The following UNC5CL variants were observed in gnomAD, a reference collection of about 807,000 sequenced individuals.
The protein encoded by UNC5CL is unc-5 family C-terminal like.
UNC5CL carries 42 observed loss-of-function variants against 54.1 expected under a neutral mutation model. That is an observed-to-expected ratio of 0.78 (90% confidence interval 0.61 to 1.00). The LOEUF (loss-of-function observed/expected upper bound fraction) is 1.00, where lower values mean the gene tolerates loss of function less well. Among genes scored for constraint, UNC5CL ranks in the 50% least tolerant of loss-of-function variants. The pLI is 0.00. For synonymous variants in UNC5CL, 285 were observed against 285.1 expected (o/e 1.00, Z 0.00); for missense variants, 619 against 675.6 (o/e 0.92, Z 0.93).
intron 1 of UNC5CL, among the ~76,000 whole-genome samples, chr6:41,038,325 G>A (rs1735033264): frequency 6.6e-6 from 1 of 152,096 alleles, no homozygotes; most frequent in East Asian, 1.9e-4. Flanking sequence ...GAAAGGAGGG[G>A]CCCCAGCTCG....
At position 41,028,609 on chromosome 6, in the gene UNC5CL, G is replaced by A. The variant is rs1561828547; in HGVS notation, c.1335-14C>T. On this transcript the variant is annotated splice_polypyrimidine_tract_variant and intron_variant, in intron 8 of 8. Transcript: ENST00000244565. This position sits in a 1 kb window ranked among gnomAD's most constrained non-coding sequence, Gnocchi z 4.3. ...CAGGACAGGAACCTGGCCCGAGGTA[G>A]GGGAGGAAGAGAAGGGTGTAGGAGC... 1 of 1,610,570 alleles carries A rather than the reference G, an allele frequency of 6.2e-7. No individual in the cohort carries two copies. Among genetic ancestry groups the A allele is most frequent in the South Asian group, 1.1e-5 (1 of 90,994 alleles).
Position 41,030,310 on chromosome 6 carries a change from C to G in UNC5CL, c.1334+78G>C, listed in dbSNP as rs79771620. The G allele has an allele frequency of 9.5e-5, 130 of 1,365,368 alleles. 1 individual carries two copies. In the East Asian group the frequency reaches 3.0e-3, roughly 31 times the overall value. The allele number at this position is 1,365,368 out of a possible 1,614,324, so 84.6% of individuals were successfully genotyped here. ...TTAAGTCACTCCCTTGCCTGTGATC[C>G]AGTCTCCAGAGTGTCCTGAGGAACC... On this transcript the variant is annotated intron_variant, in intron 8 of 8. Transcript: ENST00000244565.
At chr6:41,033,172 C>T (rs755301084) in intron 3 of UNC5CL, 26 bp from the exon 4 acceptor site, 1 of 1,605,826 alleles carries the variant, frequency 6.2e-7, no homozygotes, top group South Asian at 1.1e-5. Context: ...GTGGCAGGCA[C>T]TAATGTGCAG....
chr6:41,033,022 TGAG>T lies in UNC5CL; in HGVS notation c.808_810del (p.Leu270del). On this transcript the variant is annotated inframe_deletion, in exon 4 of 9. Transcript: ENST00000244565. ...CACTGCAGGGCGCAGGGCGTGTTGT[TGAG>T]GAAGTAGATACGCAGTTGCAGATGG... The T allele has an allele frequency of 1.2e-6, 2 of 1,609,750 alleles. No homozygotes were observed. The highest frequency in any genetic ancestry group is 1.7e-6 in the Non-Finnish European group (2 of 1,178,086).
At chr6:41,033,806 G>C in intron 3 of UNC5CL, 75 bp downstream of exon 3, 1 of 1,496,644 alleles carries the variant, frequency 6.7e-7, no homozygotes, top group Admixed American at 2.0e-5. Flanking sequence ...AGATAAGGCA[G>C]ACAGAGAAAG....
Position 41,034,777 on chromosome 6 carries a change from G to A in UNC5CL, c.298C>T (p.Leu100=), listed in dbSNP as rs1762500731. ...QTMVRQLMHK[L]LVFSAREVDH... is the part of the protein sequence containing the mutation. ...ACCTCTCGAGCCGAAAACACCAACA[G>A]TTTGTGCATCAACTGGCGGACCATG... is the stretch of plus-strand genomic sequence containing the variant. The change falls in exon 2 of 9, where the codon CTG becomes TTG. Residue 100 remains leucine, a synonymous_variant. Coordinates refer to ENST00000244565, the MANE Select transcript of UNC5CL (RefSeq NM_173561.3). 6.2e-7 allele frequency: 1 copy of A among 1,614,076 alleles called. No homozygotes were observed. The highest frequency in any genetic ancestry group is 1.1e-5 in the South Asian group (1 of 91,080).
chr6:41,028,529 G>C lies in UNC5CL; in HGVS notation c.1401C>G (p.Ser467Arg). Reference protein sequence around the residue: ...ILELFEEQNGSLQELHYLMTV... With the variant: ...ILELFEEQNGRLQELHYLMTV... Reference sequence around the variant, plus strand: ...TCATGAGGTAGTGCAGCTCCTGCAGGCTGCCGTTCTGCTCCTCAAACAACT... The same window carrying C: ...TCATGAGGTAGTGCAGCTCCTGCAGCCTGCCGTTCTGCTCCTCAAACAACT... Residue 467 changes from serine (S) to arginine (R), a missense_variant, in exon 9 of 9, where the codon AGC (serine) becomes AGG (arginine). Transcript: ENST00000244565. This position sits in a 1 kb window ranked among gnomAD's most constrained non-coding sequence, Gnocchi z 4.3. 6.2e-7 allele frequency: 1 copy of C among 1,613,770 alleles called. No homozygotes were observed. Among genetic ancestry groups the C allele is most frequent in the South Asian group, 1.1e-5 (1 of 91,092 alleles).
In UNC5CL at chr6:41,030,691, G is replaced by A. The variant is rs370431682; in HGVS notation, c.1184C>T (p.Ala395Val). 1.9e-5 allele frequency: 30 copies of A among 1,613,942 alleles called. No individual in the cohort carries two copies. In the African/African-American group the frequency reaches 2.8e-4, roughly 15 times the overall value. Residue 395 changes from alanine to valine, a missense_variant, in exon 7 of 9, where the codon GCG becomes GTG. Ala to Val is a moderately conservative substitution (Grantham distance 64). Coordinates refer to ENST00000244565, the MANE Select transcript of UNC5CL (RefSeq NM_173561.3). ...GGGCGGCTGGGAAACAGGTGGTGGC[G>A]CTGCCCAGGATTCCTCCTCTGATGC... ...FQASEEESWA[A>V]PPPVSQPPPC...
In UNC5CL at chr6:41,032,035, C is replaced by T; in HGVS notation, c.1051+1G>A. The T allele has an allele frequency of 6.2e-7, 1 of 1,614,012 alleles. No homozygotes were observed. The highest frequency in any genetic ancestry group is 8.5e-7 in the Non-Finnish European group (1 of 1,179,942). ...AGGTACACACAGGGCTCCCGGACTA[C>T]CTGCTTTTCTCCGGAAGCAGAAGGA... On this transcript the variant is annotated splice_donor_variant, in intron 5 of 8. Transcript: ENST00000244565. LOFTEE classifies it high-confidence loss of function.
Position 41,028,128 on chromosome 6 carries a change from G to A in UNC5CL, c.*245C>T, listed in dbSNP as rs984030254. ...GTCAGTTTGGCAGGCTGGCCACGCT[G>A]AGGCCATCTCCTGGGCTCCTGCGCC... On this transcript the variant is annotated 3_prime_UTR_variant, in exon 9 of 9. Transcript: ENST00000244565. This position sits in a 1 kb window ranked among gnomAD's most constrained non-coding sequence, Gnocchi z 4.3. 1.1e-5 allele frequency: 6 copies of A among 538,474 alleles called. No individual in the cohort carries two copies. Among genetic ancestry groups the A allele is most frequent in the Non-Finnish European group, 2.0e-5 (6 of 306,520 alleles). The allele number at this position is 538,474 out of a possible 1,614,324, so 33.4% of individuals were successfully genotyped here.
Position 41,034,907 on chromosome 6 carries a change from A to G in UNC5CL, c.168T>C (p.Pro56=), listed in dbSNP as rs1762503560. ...LNGQEEPVSQ[P]TPQLENEVSR... ...AGACCTCATTTTCTAGTTGGGGGGT[A>G]GGCTGGGACACTGGTTCCTCTTGAC... The change falls in exon 2 of 9, where the codon CCT becomes CCC. Residue 56 remains proline (P), a synonymous_variant. Transcript: ENST00000244565. 5 of 1,614,086 alleles carry G rather than the reference A, an allele frequency of 3.1e-6. No individual in the cohort carries two copies. Among genetic ancestry groups the G allele is most frequent in the Non-Finnish European group, 4.2e-6 (5 of 1,180,054 alleles).
At chr6:41,035,659 A>G (rs564430478) in intron 1 of UNC5CL, among the ~76,000 whole-genome samples, 7 of 152,288 alleles carry the variant, frequency 4.6e-5, no homozygotes, top group African/African-American at 1.4e-4. Flanking sequence ...TTTTAATTAC[A>G]TGCAGTAAGG....
rs572958272 is a variant in UNC5CL at position 41,029,523 on chromosome 6, C to T, written c.1334+865G>A. On this transcript the variant is annotated intron_variant, in intron 8 of 8. Coordinates refer to ENST00000244565, the MANE Select transcript of UNC5CL (RefSeq NM_173561.3). The surrounding 1 kb of genome is among the most constrained non-coding windows in gnomAD (Gnocchi z 4.1). ...TACTAGTGTGTGCGCTCCTAGGCGCCGGGACCATGCCTCATTCATCTTGTA... is the reference window on the plus strand; with the variant it reads ...TACTAGTGTGTGCGCTCCTAGGCGCTGGGACCATGCCTCATTCATCTTGTA... Among the ~76,000 whole-genome samples, 10 of 152,354 alleles carry T rather than the reference C, an allele frequency of 6.6e-5. No individual in the cohort carries two copies. The highest frequency in any genetic ancestry group is 6.2e-4 in the South Asian group (3 of 4,830).
Position 41,033,023 on chromosome 6 carries a change from G to C in UNC5CL, c.810C>G (p.Leu270=). The C allele has an allele frequency of 6.2e-7, 1 of 1,609,694 alleles. No homozygotes were observed. The highest frequency in any genetic ancestry group is 8.5e-7 in the Non-Finnish European group (1 of 1,177,984). Residue 270 remains leucine, a synonymous_variant, in exon 4 of 9, where the codon CTC becomes CTG. Coordinates refer to ENST00000244565, the MANE Select transcript of UNC5CL (RefSeq NM_173561.3). ...ACTGCAGGGCGCAGGGCGTGTTGTT[G>C]AGGAAGTAGATACGCAGTTGCAGAT... is the stretch of plus-strand genomic sequence containing the variant. ...QSHLQLRIYF[L]NNTPCALQWA...
chr6:41,032,230 G>T (rs1762463125), intron 4 of UNC5CL, 93 bp from the exon 5 acceptor site: 3 of 1,029,102 alleles, frequency 2.9e-6, no homozygotes, highest in Non-Finnish European at 4.4e-6. Context: ...ACAGAACAAA[G>T]GCAGGAGGGT....
chr6:41,037,986 T>C (rs1762542870), intron 1 of UNC5CL, among the ~76,000 whole-genome samples: 1 of 152,170 alleles, frequency 6.6e-6, no homozygotes, highest in Non-Finnish European at 1.5e-5. Flanking sequence ...TTTATCTCCA[T>C]TTCACAGATA....
intron 6 of UNC5CL, among the ~76,000 whole-genome samples, chr6:41,031,105 C>T (rs1762448730): frequency 6.6e-6 from 1 of 152,174 alleles, no homozygotes; most frequent in South Asian, 2.1e-4. Flanking sequence ...TACCTTCCTC[C>T]ATTCCAACCT....
chr6:41,031,080 T>C (rs1038627639), intron 6 of UNC5CL, among the ~76,000 whole-genome samples: 1 of 152,114 alleles, frequency 6.6e-6, no homozygotes, highest in African/African-American at 2.4e-5. Flanking sequence ...GAGACACTGA[T>C]CTCAGCCATA....
In UNC5CL at chr6:41,032,878, C is replaced by A; in HGVS notation, c.949+6G>T. On this transcript the variant is annotated splice_donor_region_variant and intron_variant, in intron 4 of 8. Transcript: ENST00000244565. Reference sequence around the variant, plus strand: ...ATCCTATCCCACAGGCCACTGCCTCCCTCACCCTCTGAGATGTACGTGAGC... The same window carrying A: ...ATCCTATCCCACAGGCCACTGCCTCACTCACCCTCTGAGATGTACGTGAGC... 2 of 1,591,674 alleles carry A rather than the reference C, an allele frequency of 1.3e-6. No homozygotes were observed. Among genetic ancestry groups the A allele is most frequent in the South Asian group, 2.3e-5 (2 of 87,240 alleles).
Sources: gnomAD v4.1 joint callset for allele counts (sites outside exome capture counted in the v4.1 genomes callset) on GRCh38, gnomAD v4.1.1 for gene constraint, Gnocchi (gnomAD v3.1) non-coding constraint, MANE v1.5 for transcripts, NCBI Gene and HGNC (gene_info 2026-07-23, HGNC 2026-07-21) for gene names.